CDH26: variants seen among roughly 807,000 people sequenced by gnomAD.
CDH26 encodes the protein cadherin 26.
In CDH26, 83 loss-of-function variants were observed where a neutral mutation model predicts 90.3. The observed-to-expected ratio is 0.92, with a 90% CI of 0.77 to 1.10. CDH26 has a LOEUF of 1.10. Ranked by LOEUF, CDH26 falls within the 50% of genes least tolerant of loss-of-function variation. The pLI, the probability that CDH26 is intolerant of heterozygous loss-of-function variation, is 0.00. For synonymous variants in CDH26, 397 were observed against 396.3 expected (o/e 1.00, Z -0.02); for missense variants, 1,013 against 1,037.6 (o/e 0.98, Z 0.33).
At position 59,996,897 on chromosome 20, in the gene CDH26, A is replaced by C. The variant is rs1569049019; in HGVS notation, c.2019+136A>C. The stretch of plus-strand genomic sequence containing the variant: ...CGTGTTTCAGTAGCAAGTGGGAAAA[A>C]ATTCTTGCAAATACTATCTAACTCA... On this transcript the variant is annotated intron_variant, in intron 13 of 17. Coordinates refer to ENST00000348616, the MANE Select transcript of CDH26 (RefSeq NM_177980.4). 1.3e-5 allele frequency: 14 copies of C among 1,056,772 alleles called. No homozygotes were observed. In the East Asian group the frequency reaches 2.6e-4, roughly 20 times the overall value. 65.5% of individuals were successfully genotyped at this position (1,056,772 alleles called of 1,614,324 possible).
chr20:60,033,637 A>ATC lies in CDH26; in HGVS notation c.1296_1297dup (p.Ala434ArgfsTer43). ...GTTTCCCAGGAGACTACAGAGGAGA[A>ATC]TCGGCAGGTGGTCACAATTGCAGGG... On this transcript the variant is annotated frameshift_variant, in exon 9 of 9. Transcript: ENST00000370991. LOFTEE classifies it high-confidence loss of function. 2 of 1,304,860 alleles carry ATC rather than the reference A, an allele frequency of 1.5e-6. No individual in the cohort carries two copies. Among genetic ancestry groups the ATC allele is most frequent in the South Asian group, 2.5e-5 (2 of 81,030 alleles). 80.8% of individuals were successfully genotyped at this position (1,304,860 alleles called of 1,614,324 possible). A position where few individuals can be genotyped will look rare whatever the true frequency, so the allele number is the denominator to read the frequency against.
At chr20:60,031,619 G>C (rs74819140) in intron 8 of CDH26, among the ~76,000 whole-genome samples, 2,412 of 152,298 alleles carry the variant, frequency 0.016, 31 homozygotes, top group Middle Eastern at 0.054. Context: ...CAGAGCAGTT[G>C]ATGTATTTTG....
At chr20:59,987,375 C>G in intron 7 of CDH26, 78 bp from the exon 8 acceptor site, 14 of 1,119,688 alleles carry the variant, frequency 1.3e-5, no homozygotes, top group Middle Eastern at 2.6e-4. Context: ...CTCTGCTTCT[C>G]TCCCTCCTTC....
At position 59,971,888 on chromosome 20, in the gene CDH26, G is replaced by C. The variant is rs1157761189; in HGVS notation, c.232-74G>C. On this transcript the variant is annotated intron_variant, in intron 3 of 17. Coordinates refer to ENST00000348616, the MANE Select transcript of CDH26 (RefSeq NM_177980.4). ...TTCTTAAAGATGCCATTGATTCTTA[G>C]CCTTGATACTTGATTATCATAGTGG... 28 of 1,255,600 alleles carry C rather than the reference G, an allele frequency of 2.2e-5. 1 individual carries two copies. In the East Asian group the frequency reaches 6.3e-4, roughly 28 times the overall value. The allele number at this position is 1,255,600 out of a possible 1,614,324, so 77.8% of individuals were successfully genotyped here.
chr20:59,984,970 G>T (rs1203249753), intron 6 of CDH26, 31 bp from the exon 7 acceptor site: 2 of 1,603,960 alleles, frequency 1.2e-6, no homozygotes, highest in African/African-American at 2.7e-5. Context: ...CTGTATTTGA[G>T]GGGCTTAACT....
rs2061537399 is a variant in CDH26, at chr20:59,992,371, C to G, written c.1284-7C>G. 1 of 1,603,078 alleles carries G rather than the reference C, an allele frequency of 6.2e-7. No individual in the cohort carries two copies. The highest frequency in any genetic ancestry group is 1.8e-5 in the Admixed American group (1 of 56,550). The stretch of plus-strand genomic sequence containing the variant: ...TTAAAAATTGCTGTCCGTTTTCCTT[C>G]TACAAGATATGAACTGGTTCATGAC... On this transcript the variant is annotated splice_region_variant and splice_polypyrimidine_tract_variant and intron_variant, in intron 9 of 17. Coordinates refer to ENST00000348616, the MANE Select transcript of CDH26 (RefSeq NM_177980.4). This position sits in a 1 kb window ranked among gnomAD's most constrained non-coding sequence, Gnocchi z 5.0.
In CDH26 at chr20:59,987,437, T is replaced by A. The variant is rs1269380277; in HGVS notation, c.838-16T>A. On this transcript the variant is annotated splice_polypyrimidine_tract_variant and intron_variant, in intron 7 of 17. Transcript: ENST00000348616. ...TTTTGTTTCCATGACATGGACATGA[T>A]GATTGCTTCTTTCAGTATAAGGTTC... is the stretch of plus-strand genomic sequence containing the variant. 3 of 1,599,402 alleles carry A rather than the reference T, an allele frequency of 1.9e-6. No individual in the cohort carries two copies. Among genetic ancestry groups the A allele is most frequent in the Non-Finnish European group, 2.6e-6 (3 of 1,173,082 alleles).
At chr20:59,983,094 G>C in intron 5 of CDH26, 24 bp downstream of exon 5, 1 of 1,609,928 alleles carries the variant, frequency 6.2e-7, no homozygotes, top group South Asian at 1.1e-5. Context: ...GGGGGCTGCC[G>C]GGCTTCCTTC....
At chr20:59,966,721 T>C (rs2061153802) in intron 1 of CDH26, among the ~76,000 whole-genome samples, 1 of 152,218 alleles carries the variant, frequency 6.6e-6, no homozygotes, top group Non-Finnish European at 1.5e-5. Context: ...TTTGGCCTTG[T>C]GGACTCTCTT....
At chr20:60,001,306 C>G in intron 14 of CDH26, 37 bp from the exon 15 acceptor site, 1 of 1,612,370 alleles carries the variant, frequency 6.2e-7, no homozygotes, top group Non-Finnish European at 8.5e-7. Flanking sequence ...GGAGAGAAAT[C>G]CATTCTCTTT....
chr20:60,031,349 C>T (rs1030956998), exon 8 of CDH26: 12 of 1,291,514 alleles, frequency 9.3e-6, no homozygotes, highest in Non-Finnish European at 9.1e-6. Flanking sequence ...CGGAGACTAA[C>T]GCAGACTGGT....
chr20:59,968,824 G>A lies in CDH26; in HGVS notation c.70-143G>A, dbSNP rs949396376. ...GGCAATCATGAATTAAGATGTAGAG[G>A]ATAAGAAATTCTATTTACCAAAACT... On this transcript the variant is annotated intron_variant, in intron 1 of 17. Transcript: ENST00000348616. The A allele has an allele frequency of 6.7e-6, 3 of 448,846 alleles. No individual in the cohort carries two copies. In the Admixed American group the frequency reaches 1.1e-4, roughly 17 times the overall value. The allele number at this position is 448,846 out of a possible 1,614,324, so 27.8% of individuals were successfully genotyped here.
intron 7 of CDH26, among the ~76,000 whole-genome samples, chr20:60,023,846 T>A (rs544396232): frequency 6.6e-6 from 1 of 152,286 alleles, no homozygotes; most frequent in East Asian, 1.9e-4. Context: ...ATAAAACTAG[T>A]GCCCCATCCT....
At chr20:59,998,461 G>A (rs2061629655) in intron 13 of CDH26, among the ~76,000 whole-genome samples, 1 of 152,208 alleles carries the variant, frequency 6.6e-6, no homozygotes, top group Admixed American at 6.5e-5. Context: ...CCCTTGTGAT[G>A]CTAAGACCAG....
chr20:60,023,188 G>T (rs2061971721), intron 7 of CDH26, among the ~76,000 whole-genome samples: 1 of 152,216 alleles, frequency 6.6e-6, no homozygotes, highest in Admixed American at 6.5e-5. Context: ...AGAGGCAGAG[G>T]TGCCTGTGCA....
At chr20:59,984,286 T>A (rs1323724525) in intron 5 of CDH26, among the ~76,000 whole-genome samples, 1 of 152,254 alleles carries the variant, frequency 6.6e-6, no homozygotes, top group Non-Finnish European at 1.5e-5. Context: ...GATTTTAACC[T>A]CTGCAGTCTA....
Position 59,996,746 on chromosome 20 carries a change from A to G in CDH26, c.2004A>G (p.Lys668=). ...TGGTCATGTATAATGCGGAGAGCAA[A>G]GGCACTTCAGCCCAGGTAGTGGAAT... ...QTLVMYNAES[K]GTSAQTWSDV... The change falls in exon 13 of 18, where the codon AAA becomes AAG. Residue 668 remains lysine, a synonymous_variant. Transcript: ENST00000348616. 1 of 1,614,244 alleles carries G rather than the reference A, an allele frequency of 6.2e-7. No individual in the cohort carries two copies. The highest frequency in any genetic ancestry group is 8.5e-7 in the Non-Finnish European group (1 of 1,180,048).
chr20:60,003,987 G>A (rs1391391360), intron 16 of CDH26, among the ~76,000 whole-genome samples: 3 of 152,212 alleles, frequency 2.0e-5, no homozygotes, highest in Non-Finnish European at 4.4e-5. Context: ...TGAGCCCCAT[G>A]CTTGGTCAGT....
At chr20:60,011,573 C>T (rs1331200862) in intron 17 of CDH26, among the ~76,000 whole-genome samples, 1 of 152,172 alleles carries the variant, frequency 6.6e-6, no homozygotes, top group Non-Finnish European at 1.5e-5. Context: ...AAGGCCAGTT[C>T]CCACAGCTCA....
Sources: gnomAD v4.1 joint callset for allele counts (sites outside exome capture counted in the v4.1 genomes callset) on GRCh38, gnomAD v4.1.1 for gene constraint, Gnocchi (gnomAD v3.1) non-coding constraint, MANE v1.5 for transcripts, NCBI Gene and HGNC (gene_info 2026-07-23, HGNC 2026-07-21) for gene names.